SDK1: variants seen among roughly 807,000 people sequenced by gnomAD.
The protein encoded by SDK1 is sidekick cell adhesion molecule 1, also known as protein sidekick-1.
In SDK1, 157 loss-of-function variants were observed where a neutral mutation model predicts 245.5. That is an observed-to-expected ratio of 0.64 (90% CI 0.56 to 0.73). The LOEUF is 0.73. Ranked by LOEUF, SDK1 falls within the 30% of genes least tolerant of loss-of-function variation. The probability of loss-of-function intolerance (pLI) is 0.00; values close to 1 mark genes in which losing one functional copy is unlikely to be tolerated. For missense variants in SDK1, 3,583 were observed against 3,002.3 expected (o/e 1.19, Z -4.52); for synonymous variants, 1,647 against 1,278.5 (o/e 1.29, Z -6.15).
chr7:3,969,208 C>T, intron 10 of SDK1, 49 bp from the exon 11 acceptor site: 3 of 1,467,766 alleles, frequency 2.0e-6, no homozygotes, highest in Non-Finnish European at 2.7e-6. Flanking sequence ...TCTTCATTTC[C>T]TTCAAGCGTT....
chr7:4,200,871 G>A (rs973882473), intron 35 of SDK1, among the ~76,000 whole-genome samples: 1 of 152,228 alleles, frequency 6.6e-6, no homozygotes, highest in African/African-American at 2.4e-5. Context: ...CCCATTACCT[G>A]TTCTTGTAAA....
At position 3,348,767 on chromosome 7, in the gene SDK1, C is replaced by T. The variant is rs756081548; in HGVS notation, c.298+46883C>T. On this transcript the variant is annotated intron_variant, in intron 1 of 44. Transcript: ENST00000404826. ...ATACTCATTTGGAGGACTTTCTGAG[C>T]TGATCAAGTGAAATAAAATAAAAAG... Among the ~76,000 whole-genome samples the T allele has an allele frequency of 2.6e-5, 4 of 152,046 alleles. No individual in the cohort carries two copies. In the East Asian group the frequency reaches 7.7e-4, roughly 29 times the overall value.
intron 1 of SDK1, among the ~76,000 whole-genome samples, chr7:3,313,704 A>C (rs1162988701): frequency 2.6e-5 from 4 of 152,196 alleles, no homozygotes; most frequent in African/African-American, 9.7e-5. Flanking sequence ...AAAGGATACA[A>C]AATTTCATTT....
chr7:3,812,841 T>C (rs936221227), intron 4 of SDK1, among the ~76,000 whole-genome samples: 2 of 152,248 alleles, frequency 1.3e-5, no homozygotes, highest in Non-Finnish European at 2.9e-5. Context: ...CCAGGACTTC[T>C]TGGTCTGTGC....
chr7:4,246,648 G>A (rs1786879098), intron 44 of SDK1, among the ~76,000 whole-genome samples: 1 of 152,102 alleles, frequency 6.6e-6, no homozygotes, highest in African/African-American at 2.4e-5. Context: ...CTGAAGAAGA[G>A]GGATTTGCTC....
At chr7:3,996,881 T>C (rs1288029283) in intron 14 of SDK1, among the ~76,000 whole-genome samples, 1 of 152,250 alleles carries the variant, frequency 6.6e-6, no homozygotes, top group African/African-American at 2.4e-5. Context: ...TCTTGTGTTT[T>C]TCCTGATCTC....
chr7:3,690,329 A>G (rs944665555), intron 4 of SDK1, among the ~76,000 whole-genome samples: 1 of 152,198 alleles, frequency 6.6e-6, no homozygotes, highest in African/African-American at 2.4e-5. Context: ...TACTGTAACT[A>G]GAAATTTTTT....
At chr7:3,897,454 G>A (rs975316140) in intron 5 of SDK1, among the ~76,000 whole-genome samples, 1 of 152,158 alleles carries the variant, frequency 6.6e-6, no homozygotes, top group South Asian at 2.1e-4. Flanking sequence ...GAGACACACA[G>A]TGTCTGCCCT....
At chr7:3,591,235 G>C (rs1168393194) in intron 1 of SDK1, among the ~76,000 whole-genome samples, 2 of 152,128 alleles carry the variant, frequency 1.3e-5, no homozygotes, top group African/African-American at 4.8e-5. Flanking sequence ...GTTAGTATAA[G>C]GATTACCTTT....
At chr7:3,887,576 C>G (rs1431160411) in intron 5 of SDK1, among the ~76,000 whole-genome samples, 1 of 152,148 alleles carries the variant, frequency 6.6e-6, no homozygotes, top group Non-Finnish European at 1.5e-5. Context: ...TGCCCACAGC[C>G]AAGGTTGCTA....
chr7:3,739,811 TC>T (rs1255069702), intron 4 of SDK1, among the ~76,000 whole-genome samples: 1 of 152,182 alleles, frequency 6.6e-6, no homozygotes, highest in Non-Finnish European at 1.5e-5. Context: ...CTCCATACCT[TC>T]CTATTTCTTT....
intron 35 of SDK1, among the ~76,000 whole-genome samples, chr7:4,190,477 C>T (rs1259133293): frequency 1.3e-5 from 2 of 152,242 alleles, no homozygotes; most frequent in Non-Finnish European, 2.9e-5. Context: ...GCAGGGGGCT[C>T]CCCGGGCGCT....
intron 14 of SDK1, among the ~76,000 whole-genome samples, chr7:4,003,683 C>CT (rs1464144242): frequency 1.5e-4 from 23 of 152,356 alleles, no homozygotes; most frequent in African/African-American, 5.3e-4. Context: ...ACTGCTGATG[C>CT]TTGCTAGACC....
chr7:3,992,226 G>C (rs958773116), intron 14 of SDK1, among the ~76,000 whole-genome samples: 3 of 152,192 alleles, frequency 2.0e-5, no homozygotes, highest in Admixed American at 6.5e-5. Context: ...GGCCTCTTCC[G>C]AGCTCTGTGG....
intron 1 of SDK1, among the ~76,000 whole-genome samples, chr7:3,325,997 G>A (rs771982858): frequency 9.9e-5 from 15 of 152,048 alleles, no homozygotes; most frequent in Non-Finnish European, 1.9e-4. Flanking sequence ...AAATAAAAGG[G>A]CAGACATATA....
chr7:3,867,431 C>A (rs551441383), intron 5 of SDK1, among the ~76,000 whole-genome samples: 1 of 152,096 alleles, frequency 6.6e-6, no homozygotes, highest in Non-Finnish European at 1.5e-5. Flanking sequence ...AAGACATACC[C>A]GAGACTGGGA....
At chr7:3,416,668 C>A (rs2128579308) in intron 1 of SDK1, among the ~76,000 whole-genome samples, 1 of 152,180 alleles carries the variant, frequency 6.6e-6, no homozygotes, top group African/African-American at 2.4e-5. Context: ...GTGAACCTGG[C>A]CACCTTCAGG....
chr7:3,955,502 T>G (rs1416948433), intron 7 of SDK1, among the ~76,000 whole-genome samples: 1 of 152,128 alleles, frequency 6.6e-6, no homozygotes, highest in African/African-American at 2.4e-5. Flanking sequence ...TGAGACAGCA[T>G]ATTCATAGAT....
At chr7:3,797,965 A>G (rs1011551693) in intron 4 of SDK1, among the ~76,000 whole-genome samples, 36 of 152,188 alleles carry the variant, frequency 2.4e-4, no homozygotes, top group Non-Finnish European at 4.0e-4. Flanking sequence ...GAGTTGCAAG[A>G]GAGTTCTGGT....
Sources: gnomAD v4.1 joint callset for allele counts (sites outside exome capture counted in the v4.1 genomes callset) on GRCh38, gnomAD v4.1.1 for gene constraint, MANE v1.5 for transcripts, NCBI Gene and HGNC (gene_info 2026-07-23, HGNC 2026-07-21) for gene names.